ATP13A4: variants seen among roughly 807,000 people sequenced by gnomAD.
ATP13A4 encodes probable cation-transporting ATPase 13A4.
ATP13A4 carries 114 observed loss-of-function variants against 142.5 expected under a neutral mutation model. That is an observed-to-expected ratio of 0.80 (90% CI 0.69 to 0.93). The LOEUF (loss-of-function observed/expected upper bound fraction) is 0.93. ATP13A4 is among the 40% of genes least tolerant of loss of function. The probability of loss-of-function intolerance (pLI) is 0.00; values close to 1 mark genes in which losing one functional copy is unlikely to be tolerated. For missense variants in ATP13A4, 1,392 were observed against 1,454.0 expected, an observed-to-expected ratio of 0.96 and a Z score of 0.69; for synonymous variants, 488 against 514.8, an observed-to-expected ratio of 0.95 and a Z score of 0.70.
At chr3:193,505,946 C>A in intron 2 of ATP13A4, among the ~76,000 whole-genome samples, 1 of 152,070 alleles carries the variant, frequency 6.6e-6, no homozygotes, top group African/African-American at 2.4e-5. Flanking sequence ...GAAGTAATAC[C>A]AAATTTCATG....
At chr3:193,448,413 C>G (rs1296599870) in intron 17 of ATP13A4, 83 bp from the exon 18 acceptor site, 1 of 1,550,076 alleles carries the variant, frequency 6.5e-7, no homozygotes, top group South Asian at 1.1e-5. Context: ...GCTCTGTCAT[C>G]CAGGCTGGAG....
At chr3:193,406,230 T>A (rs1714483525) in intron 29 of ATP13A4, among the ~76,000 whole-genome samples, 1 of 152,126 alleles carries the variant, frequency 6.6e-6, no homozygotes, top group Non-Finnish European at 1.5e-5. Context: ...AGAGAGAAGT[T>A]CCAGTACTGA....
At chr3:193,417,165 C>T (rs1384611855) in intron 25 of ATP13A4, 1 of 152,126 alleles carries the variant, frequency 6.6e-6, no homozygotes, top group Non-Finnish European at 1.5e-5. Context: ...TAAGACATCC[C>T]AGATAAACAG....
At chr3:193,459,455 C>T (rs955062145) in intron 13 of ATP13A4, among the ~76,000 whole-genome samples, 6 of 152,136 alleles carry the variant, frequency 3.9e-5, no homozygotes, top group African/African-American at 1.4e-4. Flanking sequence ...GATACAGGGT[C>T]TCACTCTATC....
chr3:193,549,128 T>A (rs1723394324), intron 1 of ATP13A4, among the ~76,000 whole-genome samples: 1 of 152,198 alleles, frequency 6.6e-6, no homozygotes. Flanking sequence ...AGACTGCTAA[T>A]CCGAGTATAC....
chr3:193,446,678 G>A (rs1716974527), intron 18 of ATP13A4, among the ~76,000 whole-genome samples: 3 of 151,862 alleles, frequency 2.0e-5, no homozygotes, highest in African/African-American at 7.3e-5. Context: ...TAATAAATAT[G>A]TCAAAAAATG....
chr3:193,399,431 TC>T lies in ATP13A4; in HGVS notation c.*3220del, dbSNP rs1714192760. Among the ~76,000 whole-genome samples the T allele has an allele frequency of 6.6e-6, 1 of 152,012 alleles. No homozygotes were observed. The highest frequency in any genetic ancestry group is 6.6e-5 in the Admixed American group (1 of 15,262). ...CCTAGGATCTTATCTCCATTAGGGG[TC>T]CCCTTTCAAGGTACAGGGCAATTGA... On this transcript the variant is annotated 3_prime_UTR_variant, in exon 30 of 30. Transcript: ENST00000342695.
chr3:193,399,922 T>C lies in ATP13A4; in HGVS notation c.*2730A>G, dbSNP rs1190974807. On this transcript the variant is annotated 3_prime_UTR_variant, in exon 30 of 30. Transcript: ENST00000342695. Reference sequence around the variant, plus strand: ...CTGGGTGTATCAAGCTTGAAAGAGATCTTGCAGGTAATTGAGTTTCATCTG... The same window carrying C: ...CTGGGTGTATCAAGCTTGAAAGAGACCTTGCAGGTAATTGAGTTTCATCTG... Among the ~76,000 whole-genome samples the C allele has an allele frequency of 6.7e-6, 1 of 149,174 alleles. No individual in the cohort carries two copies. The highest frequency in any genetic ancestry group is 1.5e-5 in the Non-Finnish European group (1 of 67,608).
Position 193,582,669 on chromosome 3 carries a change from T to C in ATP13A4, n.92-763A>G, listed in dbSNP as rs1359963954. Among the ~76,000 whole-genome samples, 2 of 76,674 alleles carry C rather than the reference T, an allele frequency of 2.6e-5. 1 individual carries two copies. Among genetic ancestry groups the C allele is most frequent in the Non-Finnish European group, 4.5e-5 (2 of 44,034 alleles). 50.3% of individuals were successfully genotyped at this position (76,674 alleles called of 152,430 possible). A position where few individuals can be genotyped will look rare whatever the true frequency, so the allele number is the denominator to read the frequency against. On this transcript the variant is annotated intron_variant and non_coding_transcript_variant, in intron 1 of 3. Coordinates refer to the ATP13A4 transcript ENST00000489140. Reference sequence around the variant, plus strand: ...GTATATTACATACATTATATATGTATATTACATATATATTATATATGTGTA... The same window carrying C: ...GTATATTACATACATTATATATGTACATTACATATATATTATATATGTGTA...
intron 3 of ATP13A4, among the ~76,000 whole-genome samples, chr3:193,497,883 G>A (rs536473657): frequency 6.6e-6 from 1 of 152,240 alleles, no homozygotes; most frequent in South Asian, 2.1e-4. Flanking sequence ...ATAGAAGTAG[G>A]GAGTACAATA....
intron 3 of ATP13A4, among the ~76,000 whole-genome samples, chr3:193,493,751 T>C (rs987749362): frequency 6.6e-6 from 1 of 152,104 alleles, no homozygotes; most frequent in Admixed American, 6.6e-5. Flanking sequence ...AACCAAAGTA[T>C]TGATACAGGA....
chr3:193,590,392 G>A (rs918855551), intron 1 of ATP13A4, among the ~76,000 whole-genome samples: 6 of 152,168 alleles, frequency 3.9e-5, no homozygotes, highest in African/African-American at 1.4e-4. Flanking sequence ...CAAAAAAGCA[G>A]TCTTAGATTC....
At chr3:193,497,783 T>C (rs888441386) in intron 3 of ATP13A4, among the ~76,000 whole-genome samples, 1 of 152,014 alleles carries the variant, frequency 6.6e-6, no homozygotes, top group Non-Finnish European at 1.5e-5. Flanking sequence ...TGGATGAACT[T>C]TGAAGAGATG....
rs186702478 is a variant in ATP13A4 at position 193,534,860 on chromosome 3, C to A, written c.60+19880G>T. Among the ~76,000 whole-genome samples, 26 of 151,998 alleles carry A rather than the reference C, an allele frequency of 1.7e-4. No individual in the cohort carries two copies. The East Asian group carries it at 4.6e-3, about 27-fold the overall frequency. ...AAATTTGGTAAAAGACATAAACCTACAAATTTGAGGAGATGAGTCAACCCC... is the reference window on the plus strand; with the variant it reads ...AAATTTGGTAAAAGACATAAACCTAAAAATTTGAGGAGATGAGTCAACCCC... On this transcript the variant is annotated intron_variant, in intron 1 of 29. Coordinates refer to ENST00000342695, the MANE Select transcript of ATP13A4 (RefSeq NM_032279.4).
At chr3:193,531,324 A>AAGGAAGGAAGGG (rs1722318841) in intron 1 of ATP13A4, among the ~76,000 whole-genome samples, 10 of 118,256 alleles carry the variant, frequency 8.5e-5, no homozygotes, top group African/African-American at 3.2e-4. Context: ...GGAAGGAAGG[A>AAGGAAGGAAGGG]AGGAAGGAAG....
intron 16 of ATP13A4, among the ~76,000 whole-genome samples, chr3:193,454,865 G>T (rs1182360916): frequency 6.6e-6 from 1 of 152,114 alleles, no homozygotes; most frequent in Non-Finnish European, 1.5e-5. Flanking sequence ...TGACAAATGG[G>T]ATCCAATTAA....
At chr3:193,418,687 G>A (rs7630292) in intron 25 of ATP13A4, among the ~76,000 whole-genome samples, 25,913 of 149,464 alleles carry the variant, frequency 0.17, 4,533 homozygotes, top group African/African-American at 0.38. Context: ...CACAGGCACT[G>A]AACCAGCTGA....
At chr3:193,583,310 G>A (rs111947722) in intron 1 of ATP13A4, among the ~76,000 whole-genome samples, 4 of 152,154 alleles carry the variant, frequency 2.6e-5, no homozygotes, top group African/African-American at 9.6e-5. Flanking sequence ...GCGGGCGCCT[G>A]TAATCCCAGG....
intron 2 of ATP13A4, among the ~76,000 whole-genome samples, chr3:193,577,149 G>A (rs1279898867): frequency 1.3e-5 from 2 of 152,036 alleles, no homozygotes; most frequent in Non-Finnish European, 2.9e-5. Flanking sequence ...ACATCCACTG[G>A]TAGAGTAACT....
Sources: allele counts gnomAD v4.1 joint callset (sites outside exome capture counted in the v4.1 genomes callset), GRCh38; gene constraint gnomAD v4.1.1; transcripts MANE v1.5; gene names NCBI Gene and HGNC (gene_info 2026-07-23, HGNC 2026-07-21).